Variants in DAB1 observed in about 807,000 individuals in gnomAD.
DAB1 encodes the protein disabled homolog 1.
Under a neutral mutation model 64.6 loss-of-function variants are expected in DAB1, and 15 were observed. That is an observed-to-expected ratio of 0.23 (90% CI 0.16 to 0.36). The LOEUF (loss-of-function observed/expected upper bound fraction) is 0.36. Among genes scored for constraint, DAB1 ranks in the 10% least tolerant of loss-of-function variants. The probability of loss-of-function intolerance (pLI) is 1.00; values close to 1 mark genes in which losing one functional copy is unlikely to be tolerated. For missense variants in DAB1, 596 were observed against 706.7 expected, an observed-to-expected ratio of 0.84 and a Z score of 1.78; for synonymous variants, 235 against 251.9, an observed-to-expected ratio of 0.93 and a Z score of 0.64.
intron 2 of DAB1, among the ~76,000 whole-genome samples, chr1:57,212,258 A>C (rs987386892): frequency 6.6e-6 from 1 of 151,668 alleles, no homozygotes. Context: ...AAATGGTCCG[A>C]GATTAGGTGG....
At chr1:58,127,595 C>G (rs1247818358) in intron 5 of DAB1, among the ~76,000 whole-genome samples, 1 of 152,160 alleles carries the variant, frequency 6.6e-6, no homozygotes, top group Admixed American at 6.5e-5. Context: ...GGTTTTAGGT[C>G]TAACATTTAA....
At chr1:57,541,156 T>C (rs372807863) in intron 7 of DAB1, among the ~76,000 whole-genome samples, 272 of 146,894 alleles carry the variant, frequency 1.9e-3, no homozygotes, top group African/African-American at 6.4e-3. Context: ...TGAGAGGGAG[T>C]CTTGCTCTGT....
chr1:57,980,993 A>T (rs1033733845), intron 5 of DAB1, among the ~76,000 whole-genome samples: 1 of 152,010 alleles, frequency 6.6e-6, no homozygotes, highest in Non-Finnish European at 1.5e-5. Context: ...ATACATACAT[A>T]CAAGGATAAT....
chr1:57,602,228 C>G (rs1645583471), intron 7 of DAB1, among the ~76,000 whole-genome samples: 1 of 152,274 alleles, frequency 6.6e-6, no homozygotes, highest in African/African-American at 2.4e-5. Flanking sequence ...TCTATGATTT[C>G]CCTTGCCTAA....
chr1:58,365,611 C>T (rs546326098), intron 3 of DAB1, among the ~76,000 whole-genome samples: 1 of 152,284 alleles, frequency 6.6e-6, no homozygotes, highest in South Asian at 2.1e-4. Context: ...TGAATTCTCC[C>T]TCTGACCAAT....
chr1:57,702,811 C>A (rs1570752381), intron 6 of DAB1, among the ~76,000 whole-genome samples: 1 of 152,030 alleles, frequency 6.6e-6, no homozygotes, highest in Non-Finnish European at 1.5e-5. Flanking sequence ...CTATAGTAAC[C>A]AAACAGCATG....
chr1:58,012,698 T>C (rs1195639809), intron 5 of DAB1, among the ~76,000 whole-genome samples: 1 of 152,108 alleles, frequency 6.6e-6, no homozygotes. Context: ...TACGAGAAGA[T>C]AACCATCTGC....
chr1:57,286,192 G>A (rs1672303313), intron 2 of DAB1, among the ~76,000 whole-genome samples: 1 of 152,100 alleles, frequency 6.6e-6, no homozygotes, highest in Admixed American at 6.5e-5. Context: ...GAAACCGTCT[G>A]GCTTGCTTTC....
At chr1:57,543,595 C>A (rs1331988746) in intron 7 of DAB1, among the ~76,000 whole-genome samples, 1 of 151,926 alleles carries the variant, frequency 6.6e-6, no homozygotes, top group Non-Finnish European at 1.5e-5. Flanking sequence ...AACACAAAGT[C>A]CTAAGAAAAT....
chr1:58,345,564 G>A (rs930275514), intron 3 of DAB1, among the ~76,000 whole-genome samples: 1 of 152,176 alleles, frequency 6.6e-6, no homozygotes, highest in Admixed American at 6.5e-5. Context: ...AATGGGGGCT[G>A]TCAGGTATCC....
intron 6 of DAB1, among the ~76,000 whole-genome samples, chr1:57,733,950 G>A (rs1021551494): frequency 6.6e-6 from 1 of 152,100 alleles, no homozygotes; most frequent in Non-Finnish European, 1.5e-5. Flanking sequence ...GGAAAGGTGG[G>A]CATTTCCTTG....
chr1:58,310,286 A>G (rs1662397281), intron 4 of DAB1, among the ~76,000 whole-genome samples: 1 of 152,200 alleles, frequency 6.6e-6, no homozygotes. Context: ...TTCACATATA[A>G]AACAAAAAAT....
intron 7 of DAB1, among the ~76,000 whole-genome samples, chr1:57,482,350 G>T (rs1644031787): frequency 6.6e-6 from 1 of 151,874 alleles, no homozygotes; most frequent in South Asian, 2.1e-4. Context: ...GTCTTAAAAT[G>T]ACATCTTTCA....
intron 4 of DAB1, among the ~76,000 whole-genome samples, chr1:57,079,553 T>C (rs1388297805): frequency 6.6e-6 from 1 of 152,150 alleles, no homozygotes; most frequent in African/African-American, 2.4e-5. Context: ...ATCTTTCTAG[T>C]ACTTAAAACA....
chr1:57,379,702 A>G (rs964073972), intron 1 of DAB1, among the ~76,000 whole-genome samples: 1 of 152,192 alleles, frequency 6.6e-6, no homozygotes, highest in African/African-American at 2.4e-5. Context: ...CTCCCAAATC[A>G]GGCAAACAAG....
intron 1 of DAB1, among the ~76,000 whole-genome samples, chr1:57,851,737 G>T (rs1653535243): frequency 6.6e-6 from 1 of 152,198 alleles, no homozygotes; most frequent in Non-Finnish European, 1.5e-5. Context: ...CAGTGCTGGT[G>T]GTGTGAAAGC....
chr1:57,420,094 T>C (rs1684783642), intron 1 of DAB1, among the ~76,000 whole-genome samples: 1 of 152,226 alleles, frequency 6.6e-6, no homozygotes, highest in Admixed American at 6.5e-5. Flanking sequence ...GTCACAAGTG[T>C]TCAAAGTGCC....
chr1:58,143,436 T>C (rs1654397242), intron 5 of DAB1, among the ~76,000 whole-genome samples: 1 of 152,180 alleles, frequency 6.6e-6, no homozygotes, highest in African/African-American at 2.4e-5. Flanking sequence ...CCAAATCAGC[T>C]GATAACTGCC....
chr1:57,206,459 C>T (rs534490335), intron 2 of DAB1, among the ~76,000 whole-genome samples: 8 of 152,294 alleles, frequency 5.3e-5, no homozygotes, highest in Admixed American at 1.3e-4. Flanking sequence ...AGGCAGTGAC[C>T]TAACACCACT....
Sources: gnomAD v4.1 joint callset for allele counts (sites outside exome capture counted in the v4.1 genomes callset) on GRCh38, gnomAD v4.1.1 for gene constraint, MANE v1.5 for transcripts, NCBI Gene and HGNC (gene_info 2026-07-23, HGNC 2026-07-21) for gene names.